DGKD: variants seen among roughly 807,000 people sequenced by gnomAD.
DGKD encodes DAG kinase delta.
Under a neutral mutation model 154.4 loss-of-function variants are expected in DGKD, and 68 were observed. The observed-to-expected ratio is 0.44, with a 90% CI of 0.36 to 0.54. DGKD has a LOEUF of 0.54. Among genes scored for constraint, DGKD ranks in the 20% least tolerant of loss-of-function variants. The probability of loss-of-function intolerance (pLI) is 0.00; values close to 1 mark genes in which losing one functional copy is unlikely to be tolerated. For synonymous variants in DGKD, 693 were observed against 638.0 expected (o/e 1.09, Z -1.30); for missense variants, 1,343 against 1,593.6 (o/e 0.84, Z 2.68).
intron 3 of DGKD, among the ~76,000 whole-genome samples, chr2:233,427,759 T>C (rs758891115): frequency 2.0e-5 from 3 of 152,250 alleles, no homozygotes; most frequent in Non-Finnish European, 4.4e-5. Flanking sequence ...CCAAAGACTT[T>C]TCTTTGTGAA....
rs1205715310 is a variant in DGKD, at chr2:233,438,970, G to A, written c.1085+591G>A. The stretch of plus-strand genomic sequence containing the variant: ...CTGCAAGGCAGGAACACGTAAGGGC[G>A]GCGTTGGGCCAGAGCGATTTCCACT... On this transcript the variant is annotated intron_variant, in intron 9 of 29. Transcript: ENST00000264057. This position sits in a 1 kb window ranked among gnomAD's most constrained non-coding sequence, Gnocchi z 4.1. 2.0e-5 allele frequency among the ~76,000 whole-genome samples: 3 copies of A among 152,374 alleles called. No homozygotes were observed. Among genetic ancestry groups the A allele is most frequent in the Admixed American group, 1.3e-4 (2 of 15,308 alleles).
chr2:233,407,131 G>A (rs902539459), intron 3 of DGKD, among the ~76,000 whole-genome samples: 1 of 152,172 alleles, frequency 6.6e-6, no homozygotes, highest in African/African-American at 2.4e-5. Context: ...GCACAGAAGT[G>A]CGTTCTGAAT....
At chr2:233,370,807 A>G (rs191951019) in intron 1 of DGKD, among the ~76,000 whole-genome samples, 68 of 151,648 alleles carry the variant, frequency 4.5e-4, no homozygotes, top group African/African-American at 1.6e-3. Context: ...GCTGGAGTGC[A>G]GTGGTGCAGT....
In DGKD at chr2:233,390,500, A is replaced by G. The variant is rs1251359521; in HGVS notation, c.348+17A>G. On this transcript the variant is annotated intron_variant, in intron 3 of 29. Transcript: ENST00000264057. ...AGTTTTACGGTAAGATTCCTCAGTC[A>G]TGCCTTTCTTGATTCTTCACTGAAG... 6.2e-7 allele frequency: 1 copy of G among 1,604,864 alleles called. No individual in the cohort carries two copies. Among genetic ancestry groups the G allele is most frequent in the Admixed American group, 1.7e-5 (1 of 59,950 alleles).
In DGKD at chr2:233,450,979, C is replaced by G. The variant is rs2063265981; in HGVS notation, c.2096C>G (p.Ser699Cys). 1.2e-6 allele frequency: 2 copies of G among 1,612,592 alleles called. No homozygotes were observed. Among genetic ancestry groups the G allele is most frequent in the Non-Finnish European group, 1.7e-6 (2 of 1,178,648 alleles). ...AAAGGGAGTCTGTCCCTAGGCAGTT[C>G]TGCTTCCCTTCCGCCCCAGCCGGGA... ...ISKGSLSLGS[S>C]ASLPPQPGSR... Residue 699 changes from serine (S) to cysteine (C), a missense_variant, in exon 17 of 30, where the codon TCT (serine) becomes TGT (cysteine). Physicochemically the swap from Ser to Cys is moderately radical, Grantham distance 112. Coordinates refer to ENST00000264057, the MANE Select transcript of DGKD (RefSeq NM_152879.3).
At chr2:233,392,727 A>G (rs1241870367) in intron 3 of DGKD, among the ~76,000 whole-genome samples, 1 of 152,242 alleles carries the variant, frequency 6.6e-6, no homozygotes, top group Non-Finnish European at 1.5e-5. Context: ...TGTAATAGAA[A>G]TAAATCCTAA....
chr2:233,411,049 A>G lies in DGKD; in HGVS notation c.348+20566A>G, dbSNP rs74336046. 6.4e-3 allele frequency among the ~76,000 whole-genome samples: 977 copies of G among 152,164 alleles called. 20 individuals carry two copies. The East Asian group carries it at 0.08, about 12-fold the overall frequency. On this transcript the variant is annotated intron_variant, in intron 3 of 29. Coordinates refer to ENST00000264057, the MANE Select transcript of DGKD (RefSeq NM_152879.3). ...GGTTTTGAGATTTTTCATGTTACGA[A>G]TATCAGTAGTCCATTGTATGCATAT...
At chr2:233,365,937 GTAGT>G (rs989448812) in intron 1 of DGKD, among the ~76,000 whole-genome samples, 4 of 152,174 alleles carry the variant, frequency 2.6e-5, no homozygotes, top group East Asian at 3.8e-4. Flanking sequence ...TGAAAATCAG[GTAGT>G]TAGAAGAATA....
At chr2:233,414,431 C>T (rs555553596) in intron 3 of DGKD, among the ~76,000 whole-genome samples, 2 of 152,322 alleles carry the variant, frequency 1.3e-5, no homozygotes, top group South Asian at 4.1e-4. Flanking sequence ...AAGCAGAGTG[C>T]TGAGTTCATG....
chr2:233,449,957 A>C lies in DGKD; in HGVS notation c.1889-25A>C. The C allele has an allele frequency of 6.4e-7, 1 of 1,560,042 alleles. No homozygotes were observed. Among genetic ancestry groups the C allele is most frequent in the Non-Finnish European group, 8.7e-7 (1 of 1,150,196 alleles). ...CCCTTGGCTTTGCACCCGCGTGCTC[A>C]GCCGCACACACTCTCCTTGCACAGC... On this transcript the variant is annotated intron_variant, in intron 15 of 29. Transcript: ENST00000264057. This position sits in a 1 kb window ranked among gnomAD's most constrained non-coding sequence, Gnocchi z 5.3.
At chr2:233,432,336 T>C (rs867848543) in intron 3 of DGKD, among the ~76,000 whole-genome samples, 60 of 120,780 alleles carry the variant, frequency 5.0e-4, no homozygotes, top group African/African-American at 1.2e-3. Flanking sequence ...CCCTCCTGGC[T>C]AACATGGTGA....
chr2:233,466,957 C>A, intron 27 of DGKD, 129 bp from the exon 28 acceptor site: 3 of 715,778 alleles, frequency 4.2e-6, no homozygotes, highest in Non-Finnish European at 2.5e-6. Flanking sequence ...CCCTTTCAGG[C>A]ACAAGAGGTC....
In DGKD at chr2:233,452,338, C is replaced by T. The variant is rs2063321491; in HGVS notation, c.2264+278C>T. 6.6e-6 allele frequency among the ~76,000 whole-genome samples: 1 copy of T among 152,226 alleles called. No homozygotes were observed. Among genetic ancestry groups the T allele is most frequent in the Admixed American group, 6.5e-5 (1 of 15,290 alleles). ...CCTGAGCCTGCATGCCCTTCTGAGG[C>T]TTTTCACAGGCTCAGCTACTCCTGC... On this transcript the variant is annotated intron_variant, in intron 18 of 29. Coordinates refer to ENST00000264057, the MANE Select transcript of DGKD (RefSeq NM_152879.3). This position sits in a 1 kb window ranked among gnomAD's most constrained non-coding sequence, Gnocchi z 4.0.
At chr2:233,469,249 C>T in intron 29 of DGKD, 122 bp from the exon 30 acceptor site, 1 of 779,818 alleles carries the variant, frequency 1.3e-6, no homozygotes, top group Admixed American at 2.4e-5. Flanking sequence ...CCGTTTTTGT[C>T]ATTTTGGCTC....
At chr2:233,450,803 C>T (rs2063256662) in intron 16 of DGKD, 119 bp from the exon 17 acceptor site, 2 of 1,302,586 alleles carry the variant, frequency 1.5e-6, no homozygotes, top group Admixed American at 3.9e-5. Flanking sequence ...CACGCAACTG[C>T]CTGTGGTTTG....
chr2:233,436,771 G>A (rs1022018759), intron 7 of DGKD, among the ~76,000 whole-genome samples: 1 of 152,264 alleles, frequency 6.6e-6, no homozygotes, highest in Non-Finnish European at 1.5e-5. Flanking sequence ...TGTGGAAGCA[G>A]GAAAGCTGTA....
chr2:233,400,782 C>T (rs141760648), intron 3 of DGKD, among the ~76,000 whole-genome samples: 6 of 152,264 alleles, frequency 3.9e-5, no homozygotes, highest in East Asian at 3.9e-4. Flanking sequence ...AGCTAGAGCT[C>T]GACAGGCCTG....
At chr2:233,403,515 C>T (rs758826354) in intron 3 of DGKD, among the ~76,000 whole-genome samples, 7 of 151,486 alleles carry the variant, frequency 4.6e-5, no homozygotes, top group Non-Finnish European at 1.0e-4. Flanking sequence ...GAGCCAAGAT[C>T]GCACCGTTGC....
rs1703223535 is a variant in DGKD, at chr2:233,387,014, G to A, written c.157-1243G>A. Among the ~76,000 whole-genome samples, 3 of 152,324 alleles carry A rather than the reference G, an allele frequency of 2.0e-5. No homozygotes were observed. In the South Asian group the frequency reaches 6.2e-4, roughly 32 times the overall value. ...CGTCCACATGTTGATGGCGTGTCGG[G>A]CTGGGGGCTTTCTGCAGCCTTCCCT... On this transcript the variant is annotated intron_variant, in intron 1 of 29. Coordinates refer to ENST00000264057, the MANE Select transcript of DGKD (RefSeq NM_152879.3).
Sources: gnomAD v4.1 joint callset for allele counts (sites outside exome capture counted in the v4.1 genomes callset) on GRCh38, gnomAD v4.1.1 for gene constraint, Gnocchi (gnomAD v3.1) non-coding constraint, MANE v1.5 for transcripts, NCBI Gene and HGNC (gene_info 2026-07-23, HGNC 2026-07-21) for gene names.